YPEL1: variants seen among roughly 807,000 people sequenced by gnomAD.
The protein encoded by YPEL1 is yippee like 1.
YPEL1 carries 7 observed loss-of-function variants against 17.3 expected under a neutral mutation model. The ratio of observed to expected loss-of-function variants is 0.40; its 90% CI spans 0.23 to 0.76. YPEL1 has a LOEUF of 0.76. YPEL1 is among the 30% of genes least tolerant of loss of function. YPEL1 has a pLI of 0.35. For synonymous variants in YPEL1, 59 were observed against 59.6 expected (o/e 0.99, Z 0.05); for missense variants, 91 against 155.5 (o/e 0.59, Z 2.21).
At chr22:21,726,234 G>A (rs2068334376) in intron 1 of YPEL1, among the ~76,000 whole-genome samples, 1 of 152,214 alleles carries the variant, frequency 6.6e-6, no homozygotes, top group African/African-American at 2.4e-5. Context: ...ACCAGCCGCA[G>A]CCTGCTGTGG....
chr22:21,703,446 C>T lies in YPEL1; in HGVS notation c.194G>A (p.Arg65Lys). The change falls in exon 4 of 5, where the codon AGG (arginine) becomes AAG (lysine). Residue 65 changes from arginine (R) to lysine (K), a missense_variant. By Grantham distance (26) the Arg-to-Lys change is conservative. Coordinates refer to ENST00000339468, the MANE Select transcript of YPEL1 (RefSeq NM_013313.5). This position sits in a 1 kb window ranked among gnomAD's most constrained non-coding sequence, Gnocchi z 6.1. ...VNVGCGPAEE[R>K]VLLTGLHAVA... ...CGCATGCAGCCCGGTGAGAAGGACC[C>T]TCTCCTCTGCAGGGCCGCAGCCCAC... The T allele has an allele frequency of 6.2e-7, 1 of 1,612,262 alleles. No homozygotes were observed.
chr22:21,704,011 C>T (rs1002281671), intron 2 of YPEL1, 129 bp from the exon 3 acceptor site: 29 of 994,540 alleles, frequency 2.9e-5, no homozygotes, highest in East Asian at 1.6e-4. Context: ...GAGCAGACAC[C>T]GGCGTCCCCC....
Position 21,703,939 on chromosome 22 carries a change from G to A in YPEL1, c.118-57C>T. Reference sequence around the variant, plus strand: ...CGAGTGCTTTCTGGAACGAAGCGGTGCTGCCCAGAACCAGGGGAGTCCAGC... The same window carrying A: ...CGAGTGCTTTCTGGAACGAAGCGGTACTGCCCAGAACCAGGGGAGTCCAGC... On this transcript the variant is annotated intron_variant, in intron 2 of 4. Coordinates refer to ENST00000339468, the MANE Select transcript of YPEL1 (RefSeq NM_013313.5). The surrounding 1 kb of genome is among the most constrained non-coding windows in gnomAD (Gnocchi z 6.1). 4 of 1,550,530 alleles carry A rather than the reference G, an allele frequency of 2.6e-6. No individual in the cohort carries two copies. Among genetic ancestry groups the A allele is most frequent in the Non-Finnish European group, 3.5e-6 (4 of 1,144,640 alleles).
intron 1 of YPEL1, among the ~76,000 whole-genome samples, chr22:21,718,409 G>A (rs946230820): frequency 1.3e-5 from 2 of 151,882 alleles, no homozygotes; most frequent in Non-Finnish European, 2.9e-5. Context: ...AGCTTGCAGT[G>A]AGCTGAGATC....
chr22:21,700,137 A>AGAATT lies in YPEL1; in HGVS notation c.*991_*992insAATTC, dbSNP rs2068050270. The stretch of plus-strand genomic sequence containing the variant: ...ACTGCCTCTGGAAGATTCTTAAATA[A>AGAATT]CACTGTACTTTAAGGGTTCATTTGC... On this transcript the variant is annotated 3_prime_UTR_variant, in exon 5 of 5. Transcript: ENST00000339468. 6.6e-6 allele frequency: 1 copy of AGAATT among 152,352 alleles called. No individual in the cohort carries two copies. Among genetic ancestry groups the AGAATT allele is most frequent in the Non-Finnish European group, 1.5e-5 (1 of 68,034 alleles). The allele number at this position is 152,352 out of a possible 1,614,324, so 9.4% of individuals were successfully genotyped here. A position where few individuals can be genotyped will look rare whatever the true frequency, so the allele number is the denominator to read the frequency against.
intron 1 of YPEL1, among the ~76,000 whole-genome samples, chr22:21,715,552 T>C (rs990808774): frequency 1.3e-5 from 2 of 151,442 alleles, no homozygotes; most frequent in African/African-American, 2.4e-5. Flanking sequence ...TTACTATGTA[T>C]AGTTCAAATA....
chr22:21,730,042 C>G (rs777229575), intron 1 of YPEL1, among the ~76,000 whole-genome samples: 2 of 151,870 alleles, frequency 1.3e-5, no homozygotes, highest in Non-Finnish European at 2.9e-5. Context: ...GTCTCAGCTA[C>G]TAGGGAGGCT....
intron 2 of YPEL1, chr22:21,704,260 T>G: frequency 1.4e-6 from 1 of 703,456 alleles, no homozygotes; most frequent in South Asian, 1.5e-5. Flanking sequence ...ATCCTCAAAA[T>G]GCTCTCCTCG....
At chr22:21,732,054 A>C (rs1404809894) in intron 1 of YPEL1, among the ~76,000 whole-genome samples, 1 of 152,202 alleles carries the variant, frequency 6.6e-6, no homozygotes, top group African/African-American at 2.4e-5. Flanking sequence ...AACGGCTCCT[A>C]ACCCCTTTCT....
intron 1 of YPEL1, among the ~76,000 whole-genome samples, chr22:21,714,859 A>C (rs1281277550): frequency 6.6e-6 from 1 of 152,190 alleles, no homozygotes; most frequent in Non-Finnish European, 1.5e-5. Flanking sequence ...ACAGGTGGGC[A>C]CCTTTTATGA....
At chr22:21,709,457 C>A (rs1445230860) in intron 2 of YPEL1, among the ~76,000 whole-genome samples, 3 of 152,086 alleles carry the variant, frequency 2.0e-5, no homozygotes, top group Admixed American at 6.6e-5. Flanking sequence ...GGTAAATGTT[C>A]TTCTCTTGAG....
intron 4 of YPEL1, 68 bp from the exon 5 acceptor site, chr22:21,701,286 C>CA (rs1047386170): frequency 4.2e-4 from 507 of 1,204,676 alleles, no homozygotes; most frequent in Non-Finnish European, 5.3e-4. Flanking sequence ...ACTCTTTTGG[C>CA]AAAAACCCCC....
chr22:21,699,911 A>G lies in YPEL1; in HGVS notation c.*1218T>C, dbSNP rs2068047786. The G allele has an allele frequency of 6.6e-6, 1 of 152,478 alleles. No individual in the cohort carries two copies. The highest frequency in any genetic ancestry group is 2.4e-5 in the African/African-American group (1 of 41,448). The allele number at this position is 152,478 out of a possible 1,614,324, so 9.4% of individuals were successfully genotyped here. A position where few individuals can be genotyped will look rare whatever the true frequency, so the allele number is the denominator to read the frequency against. On this transcript the variant is annotated 3_prime_UTR_variant, in exon 5 of 5. Transcript: ENST00000339468. ...ACCCTGTGAGGCTGTCACCTCAGTA[A>G]GGGCACCTCTGCGGGCCCCGGGACA... is the stretch of plus-strand genomic sequence containing the variant.
rs183370731 is a variant in YPEL1 at position 21,706,318 on chromosome 22, A to G, written c.118-2436T>C. Among the ~76,000 whole-genome samples, 368 of 150,016 alleles carry G rather than the reference A, an allele frequency of 2.5e-3. 1 individual carries two copies. Among genetic ancestry groups the G allele is most frequent in the African/African-American group, 8.6e-3 (350 of 40,550 alleles). On this transcript the variant is annotated intron_variant, in intron 2 of 4. Coordinates refer to ENST00000339468, the MANE Select transcript of YPEL1 (RefSeq NM_013313.5). ...GTGGTGCGTGCCTATAATCCCAGCTACTCAGGAGGCTGAGGCAGGAGAATT... is the reference window on the plus strand; with the variant it reads ...GTGGTGCGTGCCTATAATCCCAGCTGCTCAGGAGGCTGAGGCAGGAGAATT...
chr22:21,715,656 ACTGCAACCT>A (rs879429797), intron 1 of YPEL1, among the ~76,000 whole-genome samples: 2 of 151,070 alleles, frequency 1.3e-5, no homozygotes, highest in African/African-American at 2.4e-5. Flanking sequence ...ATCTGCGCTC[ACTGCAACCT>A]CCGCCTCCCG....
intron 1 of YPEL1, among the ~76,000 whole-genome samples, chr22:21,722,563 G>A (rs1401997651): frequency 1.3e-5 from 2 of 151,900 alleles, no homozygotes; most frequent in Admixed American, 6.6e-5. Flanking sequence ...ATTGCAGTGA[G>A]CCGACATCGT....
chr22:21,699,912 G>A lies in YPEL1; in HGVS notation c.*1217C>T, dbSNP rs1355357384. 6 of 152,410 alleles carry A rather than the reference G, an allele frequency of 3.9e-5. No homozygotes were observed. The highest frequency in any genetic ancestry group is 2.0e-4 in the Admixed American group (3 of 15,276). The allele number at this position is 152,410 out of a possible 1,614,324, so 9.4% of individuals were successfully genotyped here. On this transcript the variant is annotated 3_prime_UTR_variant, in exon 5 of 5. Transcript: ENST00000339468. ...CCCTGTGAGGCTGTCACCTCAGTAA[G>A]GGCACCTCTGCGGGCCCCGGGACAG... is the stretch of plus-strand genomic sequence containing the variant.
chr22:21,726,681 G>C (rs1212466749), intron 1 of YPEL1, among the ~76,000 whole-genome samples: 2 of 152,206 alleles, frequency 1.3e-5, no homozygotes, highest in Admixed American at 6.5e-5. Flanking sequence ...GTAACTCTCA[G>C]TGGAGATACC....
Position 21,699,671 on chromosome 22 carries a change from T to C in YPEL1, c.*1458A>G, listed in dbSNP as rs1003079542. The C allele has an allele frequency of 6.5e-6, 1 of 152,804 alleles. No individual in the cohort carries two copies. Among genetic ancestry groups the C allele is most frequent in the African/African-American group, 2.4e-5 (1 of 41,462 alleles). The allele number at this position is 152,804 out of a possible 1,614,324, so 9.5% of individuals were successfully genotyped here. A position where few individuals can be genotyped will look rare whatever the true frequency, so the allele number is the denominator to read the frequency against. On this transcript the variant is annotated 3_prime_UTR_variant, in exon 5 of 5. Coordinates refer to ENST00000339468, the MANE Select transcript of YPEL1 (RefSeq NM_013313.5). ...ACCTTTTCTGAACAAATTTTAAACA[T>C]TCTGGCAAATGTCAAGTTTTGAAGT...
Sources: gnomAD v4.1 joint callset for allele counts (sites outside exome capture counted in the v4.1 genomes callset) on GRCh38, gnomAD v4.1.1 for gene constraint, Gnocchi (gnomAD v3.1) non-coding constraint, MANE v1.5 for transcripts, NCBI Gene and HGNC (gene_info 2026-07-23, HGNC 2026-07-21) for gene names.